The following FHAD1 variants were observed in gnomAD, a reference collection of about 807,000 sequenced individuals.
The protein encoded by FHAD1 is forkhead associated phosphopeptide binding domain 1, also known as forkhead-associated domain-containing protein 1.
FHAD1 carries 146 observed loss-of-function variants against 191.3 expected under a neutral mutation model. The ratio of observed to expected loss-of-function variants is 0.76; its 90% CI spans 0.67 to 0.88. The LOEUF (loss-of-function observed/expected upper bound fraction) is 0.88, where lower values mean the gene tolerates loss of function less well. Ranked by LOEUF, FHAD1 falls within the 40% of genes least tolerant of loss-of-function variation. The pLI is 0.00. For missense variants in FHAD1, 1,635 were observed against 1,785.8 expected, an observed-to-expected ratio of 0.92 and a Z score of 1.52; for synonymous variants, 616 against 672.3, an observed-to-expected ratio of 0.92 and a Z score of 1.29.
chr1:15,373,475 G>A (rs1366268441), intron 26 of FHAD1, among the ~76,000 whole-genome samples: 1 of 151,594 alleles, frequency 6.6e-6, no homozygotes, highest in African/African-American at 2.4e-5. Flanking sequence ...TCACGCCACT[G>A]CACTGTAGCC....
intron 6 of FHAD1, among the ~76,000 whole-genome samples, chr1:15,307,725 C>T (rs181903505): frequency 6.6e-6 from 1 of 152,004 alleles, no homozygotes; most frequent in Admixed American, 6.6e-5. Flanking sequence ...TCCAATTAAA[C>T]CTCTTTCTCT....
intron 18 of FHAD1, among the ~76,000 whole-genome samples, chr1:15,347,502 T>C (rs746175497): frequency 2.0e-5 from 3 of 152,214 alleles, no homozygotes; most frequent in Non-Finnish European, 4.4e-5. Context: ...CAGGCTGGAG[T>C]GCAGCGGCAT....
chr1:15,336,395 CCTTTTTCT>C (rs1684104611), intron 14 of FHAD1, among the ~76,000 whole-genome samples: 1 of 152,154 alleles, frequency 6.6e-6, no homozygotes, highest in Non-Finnish European at 1.5e-5. Context: ...CTCCTCACTT[CCTTTTTCT>C]CTCTTGGCCC....
chr1:15,297,070 T>C (rs1031474936), intron 5 of FHAD1, among the ~76,000 whole-genome samples: 4 of 152,202 alleles, frequency 2.6e-5, no homozygotes, highest in African/African-American at 9.7e-5. Flanking sequence ...GTTTTTTAAA[T>C]CACCATCACT....
chr1:15,280,420 GCAGA>G (rs1660179501), intron 3 of FHAD1, among the ~76,000 whole-genome samples: 1 of 152,294 alleles, frequency 6.6e-6, no homozygotes, highest in East Asian at 1.9e-4. Flanking sequence ...GCATGGGGCA[GCAGA>G]CAGCCTCAGG....
In FHAD1 at chr1:15,329,019, T is replaced by A; in HGVS notation, c.1711-327T>A. On this transcript the variant is annotated intron_variant, in intron 13 of 33. Transcript: ENST00000688493. This position sits in a 1 kb window ranked among gnomAD's most constrained non-coding sequence, Gnocchi z 5.0. ...TTCCGACCAGCTTGTGTGTTGATCT[T>A]GGCAGGAATTCTGACGAATGGAAAA... 5.5e-6 allele frequency: 1 copy of A among 180,984 alleles called. No individual in the cohort carries two copies. Among genetic ancestry groups the A allele is most frequent in the Non-Finnish European group, 1.1e-5 (1 of 87,244 alleles). 11.2% of individuals were successfully genotyped at this position (180,984 alleles called of 1,614,324 possible).
chr1:15,263,997 C>T (rs1652321165), intron 2 of FHAD1, among the ~76,000 whole-genome samples: 1 of 152,178 alleles, frequency 6.6e-6, no homozygotes, highest in Non-Finnish European at 1.5e-5. Flanking sequence ...ATGTGTCTGG[C>T]ATAAATGCTA....
At position 15,341,884 on chromosome 1, in the gene FHAD1, A is replaced by G; in HGVS notation, c.2126A>G (p.Lys709Arg). The G allele has an allele frequency of 6.4e-7, 1 of 1,551,192 alleles. No individual in the cohort carries two copies. Among genetic ancestry groups the G allele is most frequent in the Non-Finnish European group, 8.7e-7 (1 of 1,146,730 alleles). ...AAAATCAGGCAACTGACGGAAGAGAAGGCGGTAAGGTGGTCCCTGCCATTT... is the reference window on the plus strand; with the variant it reads ...AAAATCAGGCAACTGACGGAAGAGAGGGCGGTAAGGTGGTCCCTGCCATTT... ...KAKIRQLTEE[K>R]AALEEYITQE... is the part of the protein sequence containing the mutation. The change falls in exon 16 of 34, where the codon AAG (lysine) becomes AGG (arginine). Residue 709 changes from lysine to arginine, a missense_variant. Coordinates refer to ENST00000688493, the MANE Select transcript of FHAD1 (RefSeq NM_001391957.1).
Position 15,345,497 on chromosome 1 carries a change from G to A in FHAD1, c.2320G>A (p.Glu774Lys), listed in dbSNP as rs974491857. ...AGAGCAGACAAGAGTCCAAGAGCTG[G>A]AGGAACGCTTGGCCCGCCAGAAGGA... ...EEEQTRVQEL[E>K]ERLARQKEVL... The change falls in exon 18 of 34, where the codon GAG becomes AAG. Residue 774 changes from glutamate (E) to lysine (K), a missense_variant. Transcript: ENST00000688493. 1.3e-6 allele frequency: 2 copies of A among 1,552,184 alleles called. No homozygotes were observed. Among genetic ancestry groups the A allele is most frequent in the Non-Finnish European group, 1.7e-6 (2 of 1,147,100 alleles).
Position 15,301,227 on chromosome 1 carries a change from G to A in FHAD1, c.701G>A (p.Gly234Glu). The change falls in exon 6 of 34, where the codon GGA (glycine) becomes GAA (glutamate). Residue 234 changes from glycine (G) to glutamate (E), a missense_variant. Physicochemically the swap from Gly to Glu is moderately conservative, Grantham distance 98 (BLOSUM62 -2). Coordinates refer to ENST00000688493, the MANE Select transcript of FHAD1 (RefSeq NM_001391957.1). ...QDKDEIILLLGKEVSRLSDYE... is the reference protein window; with the variant it reads ...QDKDEIILLLEKEVSRLSDYE... ...CAGGATGAAATAATTCTGCTGCTGG[G>A]AAAAGAGGTCAGCCGTCTCTCAGAT... 1 of 1,551,702 alleles carries A rather than the reference G, an allele frequency of 6.4e-7. No homozygotes were observed. The highest frequency in any genetic ancestry group is 8.7e-7 in the Non-Finnish European group (1 of 1,147,020).
chr1:15,317,988 C>T lies in FHAD1; in HGVS notation c.1365+60C>T, dbSNP rs374005766. On this transcript the variant is annotated intron_variant, in intron 10 of 33. Coordinates refer to ENST00000688493, the MANE Select transcript of FHAD1 (RefSeq NM_001391957.1). ...GGGCGGTAGCTCCCCACTCATCATC[C>T]CTGTTAGTCCTCTAAGTGGACTATG... 6.5e-6 allele frequency: 7 copies of T among 1,069,192 alleles called. No homozygotes were observed. The African/African-American group carries it at 7.9e-5, about 12-fold the overall frequency. 66.2% of individuals were successfully genotyped at this position (1,069,192 alleles called of 1,614,324 possible).
chr1:15,393,187 G>A, intron 33 of FHAD1: 3 of 149,244 alleles, frequency 2.0e-5, no homozygotes, highest in East Asian at 2.0e-4. Context: ...CGATTCTCCT[G>A]CCTCAGCCTC....
At chr1:15,344,392 C>T (rs1688025230) in intron 16 of FHAD1, among the ~76,000 whole-genome samples, 1 of 152,192 alleles carries the variant, frequency 6.6e-6, no homozygotes, top group Non-Finnish European at 1.5e-5. Flanking sequence ...CAGTTGTTGA[C>T]AACAATCCCT....
At chr1:15,335,519 A>G (rs1574480236) in intron 14 of FHAD1, 1 of 152,016 alleles carries the variant, frequency 6.6e-6, no homozygotes, top group Admixed American at 6.6e-5. Flanking sequence ...CAAAAGAACA[A>G]CCTTGAGAAA....
chr1:15,341,504 T>C (rs1686671130), intron 15 of FHAD1, among the ~76,000 whole-genome samples: 1 of 152,230 alleles, frequency 6.6e-6, no homozygotes, highest in African/African-American at 2.4e-5. Flanking sequence ...AATACTGTTA[T>C]TAACTTCATT....
At chr1:15,357,451 C>G (rs1003511041) in intron 20 of FHAD1, among the ~76,000 whole-genome samples, 1 of 151,974 alleles carries the variant, frequency 6.6e-6, no homozygotes, top group Non-Finnish European at 1.5e-5. Context: ...GGTGAAACTC[C>G]GTCTCTACTA....
At chr1:15,375,064 G>A (rs1017280063) in intron 27 of FHAD1, among the ~76,000 whole-genome samples, 2 of 151,684 alleles carry the variant, frequency 1.3e-5, no homozygotes, top group African/African-American at 4.8e-5. Flanking sequence ...CACCATATTG[G>A]TCAGGCTGGT....
At chr1:15,241,296 C>T (rs1645338503) in intron 1 of FHAD1, among the ~76,000 whole-genome samples, 1 of 152,166 alleles carries the variant, frequency 6.6e-6, no homozygotes, top group African/African-American at 2.4e-5. Context: ...CCAAACATAA[C>T]GTCAAGCGAA....
intron 19 of FHAD1, among the ~76,000 whole-genome samples, chr1:15,349,528 A>G (rs935866325): frequency 6.6e-6 from 1 of 152,222 alleles, no homozygotes; most frequent in Non-Finnish European, 1.5e-5. Flanking sequence ...CTTAGTGAGC[A>G]TCATCCTCAC....
Sources: allele counts gnomAD v4.1 joint callset (sites outside exome capture counted in the v4.1 genomes callset), GRCh38; gene constraint gnomAD v4.1.1; non-coding constraint Gnocchi (gnomAD v3.1); transcripts MANE v1.5; gene names NCBI Gene and HGNC (gene_info 2026-07-23, HGNC 2026-07-21).